The following ZNF639 variants were observed in gnomAD, a reference collection of about 807,000 sequenced individuals.
ZNF639 encodes the protein zinc finger amplified in esophageal squamous cell carcinomas 1.
ZNF639 carries 20 observed loss-of-function variants against 39.8 expected under a neutral mutation model. That is an observed-to-expected ratio of 0.50 (90% CI 0.35 to 0.73). The LOEUF (loss-of-function observed/expected upper bound fraction) is 0.73, where lower values mean the gene tolerates loss of function less well. Among genes scored for constraint, ZNF639 ranks in the 30% least tolerant of loss-of-function variants. ZNF639 has a pLI of 0.00. For missense variants in ZNF639, 477 were observed against 566.2 expected (o/e 0.84, Z 1.60); for synonymous variants, 176 against 189.8 (o/e 0.93, Z 0.60).
intron 1 of ZNF639, among the ~76,000 whole-genome samples, chr3:179,326,338 G>A (rs978833652): frequency 6.6e-6 from 1 of 152,104 alleles, no homozygotes; most frequent in Admixed American, 6.6e-5. Context: ...TCCAGCCTGG[G>A]TGACAGAGCA....
At chr3:179,328,774 A>ATTT (rs35129479) in intron 3 of ZNF639, among the ~76,000 whole-genome samples, 3,827 of 135,462 alleles carry the variant, frequency 0.028, 191 homozygotes, top group African/African-American at 0.093. Context: ...TGAATGTGTA[A>ATTT]TTTTTTTTTT....
chr3:179,334,242 A>G lies in ZNF639; in HGVS notation c.1278A>G (p.Leu426=), dbSNP rs572974245. 3 of 1,612,702 alleles carry G rather than the reference A, an allele frequency of 1.9e-6. No individual in the cohort carries two copies. Among genetic ancestry groups the G allele is most frequent in the Admixed American group, 1.7e-5 (1 of 59,896 alleles). ...ATTGCAAGCATTTAAATTCACATTTATCTGAAGGGATTTATTTATGTCAAT... is the reference window on the plus strand; with the variant it reads ...ATTGCAAGCATTTAAATTCACATTTGTCTGAAGGGATTTATTTATGTCAAT... ...LEYCKHLNSH[L]SEGIYLCQYC... The change falls in exon 6 of 6, where the codon TTA becomes TTG. Residue 426 remains leucine, a synonymous_variant. Transcript: ENST00000496856.
rs1364100176 is a variant in ZNF639, at chr3:179,333,992, A to G, written c.1028A>G (p.Lys343Arg). ...CATGTGGTAAATGAGCATGCATGTA[A>G]ATTAATAGAGTTAAGTGATAAGTAT... ...HSHVVNEHAC[K>R]LIELSDKYNN... The change falls in exon 6 of 6, where the codon AAA becomes AGA. Residue 343 changes from lysine (K) to arginine (R), a missense_variant. Lys to Arg is a conservative substitution (Grantham distance 26, BLOSUM62 2). Coordinates refer to ENST00000496856, the MANE Select transcript of ZNF639 (RefSeq NM_001303426.2). 6.2e-7 allele frequency: 1 copy of G among 1,614,196 alleles called. No individual in the cohort carries two copies. Among genetic ancestry groups the G allele is most frequent in the Admixed American group, 1.7e-5 (1 of 60,022 alleles).
At chr3:179,333,207 C>A in intron 5 of ZNF639, 62 bp from the exon 6 acceptor site, 1 of 1,549,322 alleles carries the variant, frequency 6.5e-7, no homozygotes, top group Non-Finnish European at 8.7e-7. Context: ...TTTTTTTGCC[C>A]AGTTGTATTT....
At position 179,334,521 on chromosome 3, in the gene ZNF639, C is replaced by G. The variant is rs1728110836; in HGVS notation, c.*99C>G. On this transcript the variant is annotated 3_prime_UTR_variant, in exon 6 of 6. Transcript: ENST00000496856. ...TGATTGTAAACACAACTTATGAAAT[C>G]TGCCTTTAACAAGTAACTTTTTTAA... The G allele has an allele frequency of 1.1e-6, 1 of 901,016 alleles. No individual in the cohort carries two copies. Among genetic ancestry groups the G allele is most frequent in the Admixed American group, 3.6e-5 (1 of 27,626 alleles). The allele number at this position is 901,016 out of a possible 1,614,324, so 55.8% of individuals were successfully genotyped here.
chr3:179,324,312 C>T (rs59564372), intron 1 of ZNF639, among the ~76,000 whole-genome samples: 5,729 of 152,020 alleles, frequency 0.038, 336 homozygotes, highest in African/African-American at 0.13. Flanking sequence ...AAAAAAATGA[C>T]AGGTGGAAAG....
In ZNF639 at chr3:179,335,143, G is replaced by C. The variant is rs1576994215; in HGVS notation, c.*721G>C. ...ATGGTCTCGTTCTGTTGTCCAGGATGGAGTGCAGTGGTTGATCATAGCTCC... is the reference window on the plus strand; with the variant it reads ...ATGGTCTCGTTCTGTTGTCCAGGATCGAGTGCAGTGGTTGATCATAGCTCC... On this transcript the variant is annotated 3_prime_UTR_variant, in exon 6 of 6. Transcript: ENST00000496856. 1 of 152,096 alleles carries C rather than the reference G, an allele frequency of 6.6e-6. No individual in the cohort carries two copies. Among genetic ancestry groups the C allele is most frequent in the Non-Finnish European group, 1.5e-5 (1 of 68,032 alleles). The allele number at this position is 152,096 out of a possible 1,614,324, so 9.4% of individuals were successfully genotyped here. A position where few individuals can be genotyped will look rare whatever the true frequency, so the allele number is the denominator to read the frequency against.
chr3:179,332,840 G>A, intron 4 of ZNF639, 149 bp from the exon 5 acceptor site: 1 of 1,095,834 alleles, frequency 9.1e-7, no homozygotes, highest in Non-Finnish European at 1.2e-6. Flanking sequence ...TGTGTCTGAG[G>A]TATATAGATA....
Position 179,335,774 on chromosome 3 carries a change from C to CTTTTTTTTTTTTTTT in ZNF639, c.*1355_*1369dup, listed in dbSNP as rs35673654. On this transcript the variant is annotated 3_prime_UTR_variant, in exon 6 of 6. Transcript: ENST00000496856. The stretch of plus-strand genomic sequence containing the variant: ...TGCAAGTCTGTCCCCCAAATTTCCT[C>CTTTTTTTTTTTTTTT]TTTTTTTTTTTTTTTTTGCTTTTTT... 7.8e-6 allele frequency: 1 copy of CTTTTTTTTTTTTTTT among 128,614 alleles called. No individual in the cohort carries two copies. The allele number at this position is 128,614 out of a possible 1,614,324, so 8.0% of individuals were successfully genotyped here.
intron 4 of ZNF639, 91 bp from the exon 5 acceptor site, chr3:179,332,898 T>A: frequency 7.0e-7 from 1 of 1,433,418 alleles, no homozygotes; most frequent in Non-Finnish European, 9.2e-7. Context: ...CTGTTGGAAT[T>A]CAAAATCATA....
chr3:179,329,824 T>A, intron 4 of ZNF639, 96 bp downstream of exon 4: 1 of 569,006 alleles, frequency 1.8e-6, no homozygotes, highest in Non-Finnish European at 3.1e-6. Flanking sequence ...ATTGATGATT[T>A]CAAAACAGAC....
rs1728050124 is a variant in ZNF639, at chr3:179,333,677, G to A, written c.713G>A (p.Cys238Tyr). 1.2e-6 allele frequency: 2 copies of A among 1,614,124 alleles called. No individual in the cohort carries two copies. The highest frequency in any genetic ancestry group is 1.7e-6 in the Non-Finnish European group (2 of 1,180,032). Residue 238 changes from cysteine to tyrosine, a missense_variant, in exon 6 of 6, where the codon TGC becomes TAC. Physicochemically the swap from Cys to Tyr is radical, Grantham distance 194. Transcript: ENST00000496856. ...KRTDSNVCRVCKESFSTNMLL... is the reference protein window; with the variant it reads ...KRTDSNVCRVYKESFSTNMLL... ...ACTGATTCAAATGTGTGTCGAGTATGCAAGGAAAGTTTCTCTACCAATATG... is the reference window on the plus strand; with the variant it reads ...ACTGATTCAAATGTGTGTCGAGTATACAAGGAAAGTTTCTCTACCAATATG...
At position 179,333,809 on chromosome 3, in the gene ZNF639, C is replaced by T. The variant is rs1017823010; in HGVS notation, c.845C>T (p.Thr282Ile). ...AACCTCAGCCAGCACATTGCAGACACCCATTTTAGTGATCACCTCTATTGG... is the reference window on the plus strand; with the variant it reads ...AACCTCAGCCAGCACATTGCAGACATCCATTTTAGTGATCACCTCTATTGG... ...FENLSQHIAD[T>I]HFSDHLYWCE... The change falls in exon 6 of 6, where the codon ACC becomes ATC. Residue 282 changes from threonine (T) to isoleucine (I), a missense_variant. Transcript: ENST00000496856. 2.5e-6 allele frequency: 4 copies of T among 1,614,148 alleles called. No individual in the cohort carries two copies. The highest frequency in any genetic ancestry group is 3.4e-6 in the Non-Finnish European group (4 of 1,180,040).
At position 179,328,292 on chromosome 3, in the gene ZNF639, A is replaced by G. The variant is rs1032644048; in HGVS notation, c.-2A>G. On this transcript the variant is annotated 5_prime_UTR_variant, in exon 3 of 6. Transcript: ENST00000496856. ...TTTTCTCGTTTTTTAGATTGAAAAG[A>G]TATGAATGAGTATCCTAAAAAAAGA... 6.4e-7 allele frequency: 1 copy of G among 1,561,892 alleles called. No homozygotes were observed. The highest frequency in any genetic ancestry group is 1.8e-5 in the Admixed American group (1 of 55,210).
chr3:179,332,632 G>A (rs1727980865), intron 4 of ZNF639, among the ~76,000 whole-genome samples: 1 of 152,182 alleles, frequency 6.6e-6, no homozygotes, highest in African/African-American at 2.4e-5. Context: ...CTCGCAAAAT[G>A]TTGAAGCCCA....
chr3:179,333,787 C>T lies in ZNF639; in HGVS notation c.823C>T (p.Leu275Phe), dbSNP rs765059277. 1 of 1,614,144 alleles carries T rather than the reference C, an allele frequency of 6.2e-7. No homozygotes were observed. The highest frequency in any genetic ancestry group is 8.5e-7 in the Non-Finnish European group (1 of 1,180,036). Residue 275 changes from leucine (L) to phenylalanine (F), a missense_variant, in exon 6 of 6, where the codon CTC becomes TTC. By Grantham distance (22) the Leu-to-Phe change is conservative. Coordinates refer to ENST00000496856, the MANE Select transcript of ZNF639 (RefSeq NM_001303426.2). ...CDYKTVIFEN[L>F]SQHIADTHFS... is the part of the protein sequence containing the mutation. ...TTATAAGACAGTAATTTTTGAGAAC[C>T]TCAGCCAGCACATTGCAGACACCCA... is the stretch of plus-strand genomic sequence containing the variant.
intron 1 of ZNF639, among the ~76,000 whole-genome samples, chr3:179,326,019 G>A (rs1371628659): frequency 6.6e-6 from 1 of 151,810 alleles, no homozygotes; most frequent in African/African-American, 2.4e-5. Context: ...CACCTGTCAT[G>A]TGTATCACCT....
chr3:179,333,665 T>C lies in ZNF639; in HGVS notation c.701T>C (p.Val234Ala). The change falls in exon 6 of 6, where the codon GTG (valine) becomes GCG (alanine). Residue 234 changes from valine to alanine, a missense_variant. By Grantham distance (64) the Val-to-Ala change is moderately conservative. Coordinates refer to ENST00000496856, the MANE Select transcript of ZNF639 (RefSeq NM_001303426.2). ...AAGCATAAACGTACTGATTCAAATG[T>C]GTGTCGAGTATGCAAGGAAAGTTTC... is the stretch of plus-strand genomic sequence containing the variant. ...ILKHKRTDSN[V>A]CRVCKESFST... The C allele has an allele frequency of 6.2e-7, 1 of 1,614,200 alleles. No homozygotes were observed. The highest frequency in any genetic ancestry group is 8.5e-7 in the Non-Finnish European group (1 of 1,180,028).
chr3:179,323,079 G>A lies in ZNF639; in HGVS notation c.-295G>A. On this transcript the variant is annotated 5_prime_UTR_variant, in exon 1 of 6. Coordinates refer to ENST00000496856, the MANE Select transcript of ZNF639 (RefSeq NM_001303426.2). ...GCGTGGCGGCCAGGGCAGTGCGGCC[G>A]CGGAGCCTAGGCCAGGGGCCTGGCG... is the stretch of plus-strand genomic sequence containing the variant. The A allele has an allele frequency of 2.0e-6, 2 of 984,868 alleles. No individual in the cohort carries two copies. Among genetic ancestry groups the A allele is most frequent in the Non-Finnish European group, 1.2e-6 (1 of 829,946 alleles). 61.0% of individuals were successfully genotyped at this position (984,868 alleles called of 1,614,324 possible).
Sources: gnomAD v4.1 joint callset for allele counts (sites outside exome capture counted in the v4.1 genomes callset) on GRCh38, gnomAD v4.1.1 for gene constraint, MANE v1.5 for transcripts, NCBI Gene and HGNC (gene_info 2026-07-23, HGNC 2026-07-21) for gene names.